The following PLXNA4 variants were observed in gnomAD, a reference collection of about 807,000 sequenced individuals.
The protein encoded by PLXNA4 is plexin-A4.
In PLXNA4, 44 loss-of-function variants were observed where a neutral mutation model predicts 191.8. That is an observed-to-expected ratio of 0.23 (90% CI 0.18 to 0.29). The LOEUF (loss-of-function observed/expected upper bound fraction) is 0.29, where lower values mean the gene tolerates loss of function less well. Ranked by LOEUF, PLXNA4 falls within the 10% of genes least tolerant of loss-of-function variation. PLXNA4 has a pLI of 1.00. For synonymous variants in PLXNA4, 1,082 were observed against 1,009.5 expected, an observed-to-expected ratio of 1.07 and a Z score of -1.36; for missense variants, 1,800 against 2,488.8, an observed-to-expected ratio of 0.72 and a Z score of 5.89.
At chr7:132,279,383 CT>C (rs1333823035) in intron 4 of PLXNA4, among the ~76,000 whole-genome samples, 4 of 152,150 alleles carry the variant, frequency 2.6e-5, no homozygotes, top group African/African-American at 9.7e-5. Context: ...GGCTCACACA[CT>C]TTGGGATGCC....
chr7:132,258,604 TC>T (rs533125600), intron 4 of PLXNA4, among the ~76,000 whole-genome samples: 19 of 152,156 alleles, frequency 1.2e-4, no homozygotes, highest in Non-Finnish European at 1.8e-4. Context: ...CTCCTTCCTG[TC>T]CCCTGTGATC....
intron 2 of PLXNA4, among the ~76,000 whole-genome samples, chr7:132,583,103 T>C (rs370477842): frequency 3.3e-5 from 5 of 152,216 alleles, no homozygotes; most frequent in South Asian, 2.1e-4. Flanking sequence ...TTCCAGAGTA[T>C]TGGCCATCAG....
chr7:132,424,501 C>T (rs1050418216), intron 3 of PLXNA4, among the ~76,000 whole-genome samples: 1 of 152,168 alleles, frequency 6.6e-6, no homozygotes, highest in African/African-American at 2.4e-5. Context: ...AACCCCCACC[C>T]TTCCTGGCAA....
chr7:132,633,118 T>C (rs1228418791), intron 2 of PLXNA4, among the ~76,000 whole-genome samples: 1 of 152,044 alleles, frequency 6.6e-6, no homozygotes, highest in Non-Finnish European at 1.5e-5. Flanking sequence ...GCAGTCAGTA[T>C]GTAGGGGGAG....
intron 2 of PLXNA4, among the ~76,000 whole-genome samples, chr7:132,645,573 G>A (rs1304699686): frequency 1.3e-5 from 2 of 152,166 alleles, no homozygotes; most frequent in Non-Finnish European, 2.9e-5. Context: ...TACAGTTTCT[G>A]TAAGAATACT....
intron 21 of PLXNA4, 123 bp from the exon 22 acceptor site, chr7:132,168,695 G>A: frequency 1.5e-6 from 2 of 1,359,734 alleles, no homozygotes; most frequent in Non-Finnish European, 1.9e-6. Flanking sequence ...CAGTCCACCT[G>A]GCTAATGCTG....
Position 132,203,348 on chromosome 7 carries a change from G to A in PLXNA4, c.2370C>T (p.Asn790=). 5.6e-6 allele frequency: 9 copies of A among 1,614,060 alleles called. No homozygotes were observed. The highest frequency in any genetic ancestry group is 7.6e-6 in the Non-Finnish European group (9 of 1,179,992). ...ELTVVWNGHF[N]IDNPAQNKVH... ...CTTTATTCTGAGCTGGGTTGTCAAT[G>A]TTGAAGTGCCCATTCCACACGACTG... The change falls in exon 11 of 32, where the codon AAC becomes AAT. Residue 790 remains asparagine (N), a synonymous_variant. Transcript: ENST00000321063.
At chr7:132,587,744 G>A (rs78308989) in intron 2 of PLXNA4, among the ~76,000 whole-genome samples, 1,816 of 151,906 alleles carry the variant, frequency 0.012, 40 homozygotes, top group African/African-American at 0.041. Flanking sequence ...GAAGAGGCAG[G>A]TACAGAACTC....
intron 22 of PLXNA4, among the ~76,000 whole-genome samples, chr7:132,165,797 T>A (rs906153050): frequency 8.6e-5 from 13 of 151,902 alleles, no homozygotes; most frequent in African/African-American, 2.7e-4. Context: ...AAGGGTTCCA[T>A]GTCAGAAGGT....
At chr7:132,355,753 G>A (rs1165758539) in intron 3 of PLXNA4, among the ~76,000 whole-genome samples, 3 of 152,034 alleles carry the variant, frequency 2.0e-5, no homozygotes, top group African/African-American at 4.8e-5. Context: ...AAGGGGGAAG[G>A]GGGAAAAATC....
intron 3 of PLXNA4, among the ~76,000 whole-genome samples, chr7:132,362,003 C>T (rs919736987): frequency 2.0e-5 from 3 of 152,166 alleles, no homozygotes; most frequent in Admixed American, 6.5e-5. Flanking sequence ...GGTATGAATA[C>T]CAATTAAGCC....
At chr7:132,398,564 T>A (rs1306224938) in intron 3 of PLXNA4, among the ~76,000 whole-genome samples, 1 of 152,192 alleles carries the variant, frequency 6.6e-6, no homozygotes, top group Non-Finnish European at 1.5e-5. Context: ...ACCACCCTCC[T>A]GGGCTGGCCC....
At chr7:132,562,955 CTCCCT>C (rs1801332785) in intron 1 of PLXNA4, among the ~76,000 whole-genome samples, 1 of 36,894 alleles carries the variant, frequency 2.7e-5, no homozygotes, top group Non-Finnish European at 7.1e-5. Context: ...TCCTCCTCCT[CTCCCT>C]CCTCCTCCTC....
At chr7:132,331,030 A>G (rs1014174087) in intron 3 of PLXNA4, among the ~76,000 whole-genome samples, 9 of 151,704 alleles carry the variant, frequency 5.9e-5, no homozygotes, top group African/African-American at 2.2e-4. Flanking sequence ...AAGACAGAGT[A>G]GAGAGTGAGG....
chr7:132,402,953 T>C (rs1794056676), intron 3 of PLXNA4, among the ~76,000 whole-genome samples: 1 of 152,232 alleles, frequency 6.6e-6, no homozygotes, highest in Non-Finnish European at 1.5e-5. Flanking sequence ...AACACTCAGC[T>C]GACGCACCGC....
At chr7:132,229,142 C>T (rs377591636) in intron 5 of PLXNA4, among the ~76,000 whole-genome samples, 2 of 152,142 alleles carry the variant, frequency 1.3e-5, no homozygotes, top group Admixed American at 1.3e-4. Context: ...TTTTAGAATC[C>T]CCTCATGTAG....
At chr7:132,188,634 C>G (rs1280331482) in intron 14 of PLXNA4, among the ~76,000 whole-genome samples, 1 of 152,082 alleles carries the variant, frequency 6.6e-6, no homozygotes, top group Non-Finnish European at 1.5e-5. Context: ...GTCTCAGCAC[C>G]CTGTCTCTGG....
chr7:132,522,049 G>C (rs1230417847), intron 1 of PLXNA4, among the ~76,000 whole-genome samples: 1 of 152,138 alleles, frequency 6.6e-6, no homozygotes, highest in Admixed American at 6.5e-5. Flanking sequence ...GAGGCCATGA[G>C]GTGGACTGGG....
chr7:132,414,425 G>T (rs1794580781), intron 3 of PLXNA4, among the ~76,000 whole-genome samples: 1 of 152,036 alleles, frequency 6.6e-6, no homozygotes, highest in Non-Finnish European at 1.5e-5. Context: ...CTTCCGGAGG[G>T]GAAAATATTT....
Sources: gnomAD v4.1 joint callset for allele counts (sites outside exome capture counted in the v4.1 genomes callset) on GRCh38, gnomAD v4.1.1 for gene constraint, MANE v1.5 for transcripts, NCBI Gene and HGNC (gene_info 2026-07-23, HGNC 2026-07-21) for gene names.